The following TSHZ2 variants were observed in gnomAD, a reference collection of about 807,000 sequenced individuals.
TSHZ2 encodes teashirt homolog 2.
In TSHZ2, 21 loss-of-function variants were observed where a neutral mutation model predicts 74.4. The observed-to-expected ratio is 0.28, with a 90% CI of 0.20 to 0.41. TSHZ2 has a LOEUF of 0.41. Ranked by LOEUF, TSHZ2 falls within the 10% of genes least tolerant of loss-of-function variation. TSHZ2 has a pLI of 1.00. For synonymous variants in TSHZ2, 540 were observed against 515.3 expected (o/e 1.05, Z -0.65); for missense variants, 1,244 against 1,293.5 (o/e 0.96, Z 0.59).
In TSHZ2 at chr20:53,035,997, T is replaced by C. The variant is rs192429693; in HGVS notation, c.40+62664T>C. 1.2e-3 allele frequency among the ~76,000 whole-genome samples: 184 copies of C among 152,352 alleles called. 4 individuals are homozygous for C. In the South Asian group the frequency reaches 0.032, roughly 27 times the overall value. On this transcript the variant is annotated intron_variant, in intron 1 of 2. Coordinates refer to ENST00000371497, the MANE Select transcript of TSHZ2 (RefSeq NM_173485.6). The stretch of plus-strand genomic sequence containing the variant: ...TTCACTTAAATATAAAATATGTTTA[T>C]TGATCTTTAGGAAAGACATTTCACA...
chr20:53,291,253 C>T (rs1277140541), intron 2 of TSHZ2, among the ~76,000 whole-genome samples: 2 of 152,122 alleles, frequency 1.3e-5, no homozygotes, highest in Admixed American at 1.3e-4. Flanking sequence ...GGGTGGATTG[C>T]TTGAGGTCAG....
At chr20:53,098,171 A>G (rs1380425348) in intron 1 of TSHZ2, among the ~76,000 whole-genome samples, 4 of 152,164 alleles carry the variant, frequency 2.6e-5, no homozygotes, top group East Asian at 1.9e-4. Context: ...ACAAACTTCA[A>G]TGGCTACTTA....
chr20:53,438,093 C>T (rs796171722), intron 2 of TSHZ2, among the ~76,000 whole-genome samples: 7 of 150,888 alleles, frequency 4.6e-5, no homozygotes, highest in African/African-American at 1.7e-4. Flanking sequence ...CTTGGGTGTA[C>T]TTTTCTTTCT....
At chr20:53,264,051 A>G (rs1400257295) in intron 2 of TSHZ2, among the ~76,000 whole-genome samples, 3 of 152,206 alleles carry the variant, frequency 2.0e-5, no homozygotes, top group African/African-American at 4.8e-5. Flanking sequence ...TTCAGATTAT[A>G]TAAATCTTTT....
At chr20:53,277,152 T>C (rs1990964896) in intron 2 of TSHZ2, among the ~76,000 whole-genome samples, 1 of 152,218 alleles carries the variant, frequency 6.6e-6, no homozygotes. Flanking sequence ...ATTTCTCACC[T>C]GATGCACATG....
chr20:53,032,156 G>A (rs1055957740), intron 1 of TSHZ2, among the ~76,000 whole-genome samples: 1 of 152,152 alleles, frequency 6.6e-6, no homozygotes, highest in Non-Finnish European at 1.5e-5. Context: ...AGGAAACACA[G>A]CCTCCTTAGG....
chr20:53,434,904 G>C (rs970712314), intron 2 of TSHZ2, among the ~76,000 whole-genome samples: 1 of 152,224 alleles, frequency 6.6e-6, no homozygotes, highest in Non-Finnish European at 1.5e-5. Flanking sequence ...CTCCTCGAGC[G>C]TGTTTGTTCA....
intron 2 of TSHZ2, among the ~76,000 whole-genome samples, chr20:53,309,027 G>A (rs1451638453): frequency 6.6e-6 from 1 of 152,326 alleles, no homozygotes; most frequent in East Asian, 1.9e-4. Context: ...TTCACATGAA[G>A]GGAGGACCAA....
intron 1 of TSHZ2, among the ~76,000 whole-genome samples, chr20:53,157,713 T>G (rs528234002): frequency 4.5e-4 from 69 of 152,212 alleles, no homozygotes; most frequent in Non-Finnish European, 7.6e-4. Flanking sequence ...TTTACTCTAT[T>G]TGATAATGAA....
intron 1 of TSHZ2, among the ~76,000 whole-genome samples, chr20:53,215,862 C>G (rs1040927055): frequency 6.7e-6 from 1 of 148,674 alleles, no homozygotes; most frequent in Non-Finnish European, 1.5e-5. Context: ...GAGCAAAACT[C>G]CGTCTCAAAA....
intron 1 of TSHZ2, among the ~76,000 whole-genome samples, chr20:53,221,509 G>C (rs958512764): frequency 7.2e-5 from 11 of 152,152 alleles, no homozygotes; most frequent in African/African-American, 2.7e-4. Context: ...GATTGCTAGA[G>C]AACAGAGGTT....
chr20:53,447,754 A>G (rs1984609345), intron 2 of TSHZ2, among the ~76,000 whole-genome samples: 1 of 151,980 alleles, frequency 6.6e-6, no homozygotes, highest in African/African-American at 2.4e-5. Flanking sequence ...TCATGATTGG[A>G]TTGATGCTAT....
chr20:53,467,961 G>A (rs545894994), intron 2 of TSHZ2, among the ~76,000 whole-genome samples: 15 of 152,068 alleles, frequency 9.9e-5, no homozygotes, highest in African/African-American at 2.9e-4. Flanking sequence ...GGAGGTTCCC[G>A]TGATAGAACC....
At chr20:53,323,858 C>T (rs1402333157) in intron 2 of TSHZ2, among the ~76,000 whole-genome samples, 1 of 151,908 alleles carries the variant, frequency 6.6e-6, no homozygotes, top group Non-Finnish European at 1.5e-5. Flanking sequence ...GATTATAGGC[C>T]TGAGCCACCA....
intron 1 of TSHZ2, among the ~76,000 whole-genome samples, chr20:53,122,635 C>T (rs935376864): frequency 4.6e-5 from 7 of 152,080 alleles, no homozygotes; most frequent in Admixed American, 2.0e-4. Flanking sequence ...TACGGGGAGA[C>T]GTTCATCACA....
At chr20:53,224,858 A>G (rs921843961) in intron 1 of TSHZ2, among the ~76,000 whole-genome samples, 15 of 151,788 alleles carry the variant, frequency 9.9e-5, no homozygotes, top group African/African-American at 1.7e-4. Flanking sequence ...TCAAAAAAAA[A>G]AAAAAAAAAA....
At chr20:53,111,323 A>G (rs1986529193) in intron 1 of TSHZ2, among the ~76,000 whole-genome samples, 1 of 152,228 alleles carries the variant, frequency 6.6e-6, no homozygotes, top group Non-Finnish European at 1.5e-5. Context: ...CATCACTGAG[A>G]TTATATCCAT....
At chr20:53,470,238 A>C (rs1985755921) in intron 2 of TSHZ2, among the ~76,000 whole-genome samples, 1 of 152,196 alleles carries the variant, frequency 6.6e-6, no homozygotes, top group Admixed American at 6.5e-5. Context: ...TGGCATATCA[A>C]AAGTAAAGTA....
intron 2 of TSHZ2, among the ~76,000 whole-genome samples, chr20:53,264,877 G>A (rs1408536025): frequency 6.6e-6 from 1 of 152,104 alleles, no homozygotes; most frequent in Non-Finnish European, 1.5e-5. Context: ...CAGTGTGGAG[G>A]GCCAGAGGGC....
Sources: allele counts gnomAD v4.1 joint callset (sites outside exome capture counted in the v4.1 genomes callset), GRCh38; gene constraint gnomAD v4.1.1; transcripts MANE v1.5; gene names NCBI Gene and HGNC (gene_info 2026-07-23, HGNC 2026-07-21).